Variants in INSRR observed in about 807,000 individuals in gnomAD.
INSRR encodes insulin receptor-related protein.
INSRR carries 114 observed loss-of-function variants against 130.0 expected under a neutral mutation model. That is an observed-to-expected ratio of 0.88 (90% CI 0.75 to 1.02). The LOEUF is 1.02. Ranked by LOEUF, INSRR falls within the 50% of genes least tolerant of loss-of-function variation. INSRR has a pLI of 0.00. For synonymous variants in INSRR, 674 were observed against 705.2 expected (o/e 0.96, Z 0.70); for missense variants, 1,657 against 1,735.2 (o/e 0.95, Z 0.80).
chr1:156,846,912 G>A (rs1047135981), intron 7 of INSRR, among the ~76,000 whole-genome samples, 155 bp from the exon 8 acceptor site: 2 of 152,178 alleles, frequency 1.3e-5, no homozygotes, highest in African/African-American at 2.4e-5. Flanking sequence ...GGCAAGGGGG[G>A]GCGGAGGAGG....
intron 5 of INSRR, 124 bp downstream of exon 5, chr1:156,851,166 A>G: frequency 1.0e-6 from 1 of 999,472 alleles, no homozygotes; most frequent in African/African-American, 1.6e-5. Flanking sequence ...AAGTTAACCT[A>G]CTTAGAGTCA....
intron 14 of INSRR, 74 bp from the exon 15 acceptor site, chr1:156,844,354 A>C: frequency 6.5e-7 from 1 of 1,543,766 alleles, no homozygotes; most frequent in Non-Finnish European, 8.9e-7. Flanking sequence ...TTCTCTTTCC[A>C]TGCTGGGAGG....
chr1:156,857,163 A>ATGTG (rs57324546), intron 1 of INSRR, among the ~76,000 whole-genome samples: 6,546 of 130,454 alleles, frequency 0.05, 232 homozygotes, highest in Middle Eastern at 0.13. Context: ...GCAGCTGTGT[A>ATGTG]TGTGTGTGTG....
rs758075855 is a variant in INSRR, at chr1:156,854,548, C to T, written c.86-245G>A. The stretch of plus-strand genomic sequence containing the variant: ...TGATCCTCTCTCCCAAGCCCATCTC[C>T]CCTTCTTGGTTAATAGCGACTTCAT... On this transcript the variant is annotated intron_variant, in intron 1 of 21. Coordinates refer to ENST00000368195, the MANE Select transcript of INSRR (RefSeq NM_014215.3). The surrounding 1 kb of genome is among the most constrained non-coding windows in gnomAD (Gnocchi z 4.2). Among the ~76,000 whole-genome samples, 47 of 152,202 alleles carry T rather than the reference C, an allele frequency of 3.1e-4. No individual in the cohort carries two copies. The highest frequency in any genetic ancestry group is 5.3e-4 in the Non-Finnish European group (36 of 68,022).
intron 8 of INSRR, 117 bp from the exon 9 acceptor site, chr1:156,846,236 C>T: frequency 9.0e-7 from 1 of 1,116,210 alleles, no homozygotes; most frequent in East Asian, 2.5e-5. Context: ...AATAGGTGAT[C>T]CTCACCCCTG....
rs759533268 is a variant in INSRR at position 156,841,016 on chromosome 1, G to A, written c.3751C>T (p.Arg1251Trp). The A allele has an allele frequency of 1.1e-5, 18 of 1,608,186 alleles. No homozygotes were observed. Among genetic ancestry groups the A allele is most frequent in the South Asian group, 4.4e-5 (4 of 90,098 alleles). Residue 1251 changes from arginine (R) to tryptophan (W), a missense_variant, in exon 22 of 22, where the codon CGG becomes TGG. Transcript: ENST00000368195. ...AAGGAGAGGAGGCGGAAGGAGGGCCGCAGCTCCTCCTGTATGCTGTCCAGA... is the reference window on the plus strand; with the variant it reads ...AAGGAGAGGAGGCGGAAGGAGGGCCACAGCTCCTCCTGTATGCTGTCCAGA... ...HILDSIQEEL[R>W]PSFRLLSFYY...
In INSRR at chr1:156,854,438, G is replaced by A. The variant is rs1655341144; in HGVS notation, c.86-135C>T. ...AGCCGGGCTCTGCTCTGGGTGTGGG[G>A]TGGCCTCCTTCCTGGGCCCCGGAGG... On this transcript the variant is annotated intron_variant, in intron 1 of 21. Coordinates refer to ENST00000368195, the MANE Select transcript of INSRR (RefSeq NM_014215.3). The surrounding 1 kb of genome is among the most constrained non-coding windows in gnomAD (Gnocchi z 4.2). 2 of 968,592 alleles carry A rather than the reference G, an allele frequency of 2.1e-6. No homozygotes were observed. The highest frequency in any genetic ancestry group is 2.6e-5 in the East Asian group (1 of 37,798). 60.0% of individuals were successfully genotyped at this position (968,592 alleles called of 1,614,324 possible).
At chr1:156,847,142 A>T (rs779786379) in intron 7 of INSRR, among the ~76,000 whole-genome samples, 56 of 152,224 alleles carry the variant, frequency 3.7e-4, no homozygotes, top group Non-Finnish European at 8.1e-4. Context: ...GAGGAACAGG[A>T]GACTGCTCCC....
At chr1:156,841,858 C>T (rs763317193) in intron 19 of INSRR, 64 bp from the exon 20 acceptor site, 2 of 1,612,082 alleles carry the variant, frequency 1.2e-6, no homozygotes, top group African/African-American at 2.7e-5. Flanking sequence ...AGCTCCTGCC[C>T]CTGGGATACC....
rs779454008 is a variant in INSRR, at chr1:156,845,417, G to A, written c.2175-4C>T. On this transcript the variant is annotated splice_region_variant and splice_polypyrimidine_tract_variant and intron_variant, in intron 10 of 21. Coordinates refer to ENST00000368195, the MANE Select transcript of INSRR (RefSeq NM_014215.3). ...GGACGTCACCTTCCAAGGGGATCTGGGGAGGCCAGGAGTAGCCCTATCAGG... is the reference window on the plus strand; with the variant it reads ...GGACGTCACCTTCCAAGGGGATCTGAGGAGGCCAGGAGTAGCCCTATCAGG... 3 of 1,551,654 alleles carry A rather than the reference G, an allele frequency of 1.9e-6. No individual in the cohort carries two copies. Among genetic ancestry groups the A allele is most frequent in the South Asian group, 1.2e-5 (1 of 80,164 alleles).
Position 156,853,835 on chromosome 1 carries a change from C to T in INSRR, c.554G>A (p.Gly185Asp). 3 of 1,613,878 alleles carry T rather than the reference C, an allele frequency of 1.9e-6. No individual in the cohort carries two copies. Among genetic ancestry groups the T allele is most frequent in the South Asian group, 2.2e-5 (2 of 91,088 alleles). Reference sequence around the variant, plus strand: ...CTTGGCACAGGGCTCACCAGCAGCACCCAGCACACCAGGGCACACGTCAGC... The same window carrying T: ...CTTGGCACAGGGCTCACCAGCAGCATCCAGCACACCAGGGCACACGTCAGC... The part of the protein sequence containing the change: ...ECADVCPGVL[G>D]AAGEPCAKTT... Residue 185 changes from glycine to aspartate, a missense_variant, in exon 2 of 22, where the codon GGT (glycine) becomes GAT (aspartate). Transcript: ENST00000368195.
chr1:156,841,774 C>G lies in INSRR; in HGVS notation c.3418G>C (p.Val1140Leu). 1 of 1,614,142 alleles carries G rather than the reference C, an allele frequency of 6.2e-7. No homozygotes were observed. The highest frequency in any genetic ancestry group is 8.5e-7 in the Non-Finnish European group (1 of 1,179,998). The change falls in exon 20 of 22, where the codon GTG becomes CTG. Residue 1140 changes from valine to leucine, a missense_variant. Val to Leu is a conservative substitution (Grantham distance 32, BLOSUM62 1). Transcript: ENST00000368195. ...TTGCGGTAATAGTCTGTCTCATACA[C>G]GTCCCGAGTCATCCCGAAGTCTGGA... ...KIGDFGMTRD[V>L]YETDYYRKGG...
Position 156,851,434 on chromosome 1 carries a change from T to C in INSRR, c.1085A>G (p.Tyr362Cys). ...GTGCTGCAGCTGTGGCTCCAGGTTG[T>C]CTAGGGATGGGAAGACAGGGCTGGA... ...GSLILNLRQG[Y>C]NLEPQLQHSL... The change falls in exon 5 of 22, where the codon TAC becomes TGC. Residue 362 changes from tyrosine (Y) to cysteine (C), a missense_variant and splice_region_variant. Tyr to Cys is a radical substitution (Grantham distance 194). Coordinates refer to ENST00000368195, the MANE Select transcript of INSRR (RefSeq NM_014215.3). 3 of 1,614,102 alleles carry C rather than the reference T, an allele frequency of 1.9e-6. No homozygotes were observed. The highest frequency in any genetic ancestry group is 2.5e-6 in the Non-Finnish European group (3 of 1,179,996).
At chr1:156,852,568 G>T (rs1252478119) in intron 2 of INSRR, among the ~76,000 whole-genome samples, 1 of 152,240 alleles carries the variant, frequency 6.6e-6, no homozygotes, top group Non-Finnish European at 1.5e-5. Flanking sequence ...GAGCAGCTAG[G>T]CCCAGGGGCC....
Position 156,851,361 on chromosome 1 carries a change from G to A in INSRR, c.1158C>T (p.His386=). The A allele has an allele frequency of 6.2e-7, 1 of 1,614,146 alleles. No homozygotes were observed. Among genetic ancestry groups the A allele is most frequent in the Non-Finnish European group, 8.5e-7 (1 of 1,179,992 alleles). ...ETITGFLKIK[H]SFALVSLGFF... ...AGCCCAGGGACACGAGGGCAAAGGA[G>A]TGCTTGATTTTGAGGAAGCCAGTAA... Residue 386 remains histidine, a synonymous_variant, in exon 5 of 22, where the codon CAC becomes CAT. Coordinates refer to ENST00000368195, the MANE Select transcript of INSRR (RefSeq NM_014215.3).
chr1:156,851,073 T>C, intron 5 of INSRR: 1 of 629,512 alleles, frequency 1.6e-6, no homozygotes, highest in Non-Finnish European at 2.9e-6. Context: ...ACATAACAAC[T>C]TGAGTAATAT....
Position 156,851,945 on chromosome 1 carries a change from A to G in INSRR, c.884T>C (p.Ile295Thr). ...SVPGRASTFG[I>T]HQGSCLAQCP... ...CTGGGCCAGGCAACTGCCCTGGTGTATGCCGAAGGTGGAGGCACGGCCGGG... is the reference window on the plus strand; with the variant it reads ...CTGGGCCAGGCAACTGCCCTGGTGTGTGCCGAAGGTGGAGGCACGGCCGGG... The change falls in exon 3 of 22, where the codon ATA (isoleucine) becomes ACA (threonine). Residue 295 changes from isoleucine to threonine, a missense_variant. Coordinates refer to ENST00000368195, the MANE Select transcript of INSRR (RefSeq NM_014215.3). The G allele has an allele frequency of 1.2e-6, 2 of 1,605,826 alleles. No homozygotes were observed. Among genetic ancestry groups the G allele is most frequent in the South Asian group, 1.1e-5 (1 of 90,724 alleles).
chr1:156,849,226 C>T lies in INSRR; in HGVS notation c.1444+20G>A. 1 of 1,612,420 alleles carries T rather than the reference C, an allele frequency of 6.2e-7. No homozygotes were observed. Among genetic ancestry groups the T allele is most frequent in the African/African-American group, 1.3e-5 (1 of 74,984 alleles). On this transcript the variant is annotated intron_variant, in intron 6 of 21. Transcript: ENST00000368195. ...TAGTGTGTGGCCGCGTGTCCACCGG[C>T]ACTGGGGTTGGGGTCTCACAGGCGG...
Position 156,841,662 on chromosome 1 carries a change from C to T in INSRR, c.3527+3G>A, listed in dbSNP as rs1159367678. ...GGAGCCCTGTGCTCCAGCTCGGCCC[C>T]ACCAGACATCCGAGTGGGTGGTGAA... On this transcript the variant is annotated splice_donor_region_variant and intron_variant, in intron 20 of 21. Transcript: ENST00000368195. 1.9e-6 allele frequency: 3 copies of T among 1,613,606 alleles called. No individual in the cohort carries two copies. The highest frequency in any genetic ancestry group is 1.1e-5 in the South Asian group (1 of 91,068).
Sources: allele counts gnomAD v4.1 joint callset (sites outside exome capture counted in the v4.1 genomes callset), GRCh38; gene constraint gnomAD v4.1.1; non-coding constraint Gnocchi (gnomAD v3.1); transcripts MANE v1.5; gene names NCBI Gene and HGNC (gene_info 2026-07-23, HGNC 2026-07-21).